The following ZNF704 variants were observed in gnomAD, a reference collection of about 807,000 sequenced individuals.
ZNF704 encodes zinc finger protein 704.
In ZNF704, 10 loss-of-function variants were observed where a neutral mutation model predicts 44.7. The observed-to-expected ratio is 0.22, with a 90% confidence interval of 0.14 to 0.38. ZNF704 has a LOEUF of 0.38. Ranked by LOEUF, ZNF704 falls within the 10% of genes least tolerant of loss-of-function variation. The pLI is 1.00. For synonymous variants in ZNF704, 211 were observed against 207.6 expected (o/e 1.02, Z -0.14); for missense variants, 390 against 545.5 (o/e 0.71, Z 2.84).
intron 2 of ZNF704, among the ~76,000 whole-genome samples, chr8:80,749,211 T>C (rs940460034): frequency 1.3e-5 from 2 of 152,198 alleles, no homozygotes; most frequent in Non-Finnish European, 2.9e-5. Flanking sequence ...GGTCTCACTA[T>C]GTTGACCAGG....
At chr8:80,743,642 C>T (rs1007984186) in intron 2 of ZNF704, among the ~76,000 whole-genome samples, 3 of 152,152 alleles carry the variant, frequency 2.0e-5, no homozygotes, top group African/African-American at 7.2e-5. Context: ...AACCAGCATG[C>T]CTGGAGTCTC....
intron 4 of ZNF704, among the ~76,000 whole-genome samples, chr8:80,674,819 A>AT (rs1010892769): frequency 1.3e-5 from 2 of 152,156 alleles, no homozygotes; most frequent in Non-Finnish European, 2.9e-5. Flanking sequence ...CTTCCTGCCC[A>AT]TTTTTCAAAT....
At chr8:80,692,503 A>T (rs1373339014) in intron 3 of ZNF704, among the ~76,000 whole-genome samples, 3 of 152,192 alleles carry the variant, frequency 2.0e-5, no homozygotes, top group Non-Finnish European at 2.9e-5. Context: ...TACTTTTTCA[A>T]TGAGGTATTC....
chr8:80,744,963 T>C (rs933855761), intron 2 of ZNF704, among the ~76,000 whole-genome samples: 9 of 152,190 alleles, frequency 5.9e-5, no homozygotes, highest in African/African-American at 2.2e-4. Flanking sequence ...GAAATGACAC[T>C]TGTATGCATT....
At chr8:80,857,748 A>ACCATCTTACTTCTTTTT (rs1203042130) in intron 1 of ZNF704, among the ~76,000 whole-genome samples, 2 of 152,200 alleles carry the variant, frequency 1.3e-5, no homozygotes, top group Non-Finnish European at 2.9e-5. Context: ...TTGGAAGGAT[A>ACCATCTTACTTCTTTTT]CCATCTTACT....
intron 2 of ZNF704, among the ~76,000 whole-genome samples, chr8:80,802,424 A>G (rs1586038327): frequency 6.6e-6 from 1 of 152,208 alleles, no homozygotes; most frequent in Non-Finnish European, 1.5e-5. Flanking sequence ...GATGAACATC[A>G]ATGCAAAGAT....
At chr8:80,734,723 G>T (rs1806639404) in intron 2 of ZNF704, among the ~76,000 whole-genome samples, 2 of 152,178 alleles carry the variant, frequency 1.3e-5, no homozygotes, top group African/African-American at 4.8e-5. Flanking sequence ...TGAGCTATAA[G>T]ATTATAAAAT....
At chr8:80,733,555 G>T (rs1806617559) in intron 2 of ZNF704, among the ~76,000 whole-genome samples, 1 of 152,138 alleles carries the variant, frequency 6.6e-6, no homozygotes, top group Non-Finnish European at 1.5e-5. Flanking sequence ...CTTATTCCTG[G>T]CAGTAGCCAG....
At chr8:80,857,670 T>C (rs1160316624) in intron 1 of ZNF704, among the ~76,000 whole-genome samples, 5 of 152,202 alleles carry the variant, frequency 3.3e-5, no homozygotes, top group Admixed American at 6.5e-5. Context: ...ACATGAAAGT[T>C]TGCAATGTTA....
intron 2 of ZNF704, among the ~76,000 whole-genome samples, chr8:80,751,840 T>C (rs1383043291): frequency 1.3e-5 from 2 of 152,174 alleles, no homozygotes; most frequent in Non-Finnish European, 2.9e-5. Flanking sequence ...CTCCACCTCC[T>C]GGGTTCAAGC....
At chr8:80,871,739 T>C (rs1434334691) in intron 1 of ZNF704, among the ~76,000 whole-genome samples, 1 of 152,248 alleles carries the variant, frequency 6.6e-6, no homozygotes, top group Non-Finnish European at 1.5e-5. Context: ...CGTATATGCA[T>C]TATAATAAAA....
intron 2 of ZNF704, among the ~76,000 whole-genome samples, chr8:80,760,669 A>C (rs1754022749): frequency 6.6e-6 from 1 of 151,622 alleles, no homozygotes; most frequent in Non-Finnish European, 1.5e-5. Context: ...AAAAAAAAAA[A>C]AAAAACCAAA....
chr8:80,826,538 A>G lies in ZNF704; in HGVS notation c.-21-4923T>C, dbSNP rs540991179. 3.3e-5 allele frequency among the ~76,000 whole-genome samples: 5 copies of G among 152,308 alleles called. No individual in the cohort carries two copies. The East Asian group carries it at 9.6e-4, about 29-fold the overall frequency. On this transcript the variant is annotated intron_variant, in intron 1 of 8. Coordinates refer to ENST00000327835, the MANE Select transcript of ZNF704 (RefSeq NM_001033723.3). ...CATTCCTTCTGAAACTATTCCAATC[A>G]ATAGAAAAAGAGGGAATCCTCCCTA...
intron 2 of ZNF704, among the ~76,000 whole-genome samples, chr8:80,782,863 T>C (rs908272339): frequency 6.6e-6 from 1 of 151,936 alleles, no homozygotes; most frequent in Non-Finnish European, 1.5e-5. Flanking sequence ...TTGCATCCCG[T>C]GAATACTGTA....
intron 1 of ZNF704, among the ~76,000 whole-genome samples, chr8:80,829,658 T>C (rs540945550): frequency 2.6e-5 from 4 of 152,318 alleles, no homozygotes; most frequent in African/African-American, 4.8e-5. Flanking sequence ...ACATTTCCTA[T>C]AGAAATACTG....
At chr8:80,749,190 C>T (rs1049286952) in intron 2 of ZNF704, among the ~76,000 whole-genome samples, 7 of 152,026 alleles carry the variant, frequency 4.6e-5, no homozygotes, top group Admixed American at 6.6e-5. Context: ...CTCTTTTATT[C>T]GTAGAGATGG....
chr8:80,748,677 G>A (rs1003766817), intron 2 of ZNF704, among the ~76,000 whole-genome samples: 13 of 152,130 alleles, frequency 8.5e-5, no homozygotes, highest in African/African-American at 2.7e-4. Context: ...TGGGTGGGAC[G>A]AACCCAAGGA....
chr8:80,881,899 G>A, the ZNF704 span, among the ~76,000 whole-genome samples: 1 of 152,082 alleles, frequency 6.6e-6, no homozygotes, highest in Non-Finnish European at 1.5e-5. Flanking sequence ...GTGCAGTCCA[G>A]CCTGGGCAAC....
At position 80,634,354 on chromosome 8, in the gene ZNF704, G is replaced by A. The variant is rs972820929; in HGVS notation, c.*7012C>T. 2.6e-5 allele frequency: 4 copies of A among 152,234 alleles called. No individual in the cohort carries two copies. The highest frequency in any genetic ancestry group is 5.9e-5 in the Non-Finnish European group (4 of 68,050). 9.4% of individuals were successfully genotyped at this position (152,234 alleles called of 1,614,324 possible). A position where few individuals can be genotyped will look rare whatever the true frequency, so the allele number is the denominator to read the frequency against. On this transcript the variant is annotated 3_prime_UTR_variant, in exon 9 of 9. Coordinates refer to ENST00000327835, the MANE Select transcript of ZNF704 (RefSeq NM_001033723.3). ...ATGAGAATGATATCTGGGGAGAAAT[G>A]ATCTCTTTCCCCTCTTTTATTTTAG...
Sources: gnomAD v4.1 joint callset for allele counts (sites outside exome capture counted in the v4.1 genomes callset) on GRCh38, gnomAD v4.1.1 for gene constraint, MANE v1.5 for transcripts, NCBI Gene and HGNC (gene_info 2026-07-23, HGNC 2026-07-21) for gene names.